Variants in CNTN5 observed in about 807,000 individuals in gnomAD.
The protein encoded by CNTN5 is contactin-5.
In CNTN5, 77 loss-of-function variants were observed where a neutral mutation model predicts 129.1. The ratio of observed to expected loss-of-function variants is 0.60; its 90% CI spans 0.50 to 0.72. CNTN5 has a LOEUF of 0.72. Among genes scored for constraint, CNTN5 ranks in the 30% least tolerant of loss-of-function variants. The pLI is 0.00. For missense variants in CNTN5, 1,478 were observed against 1,328.8 expected (o/e 1.11, Z -1.75); for synonymous variants, 509 against 465.6 (o/e 1.09, Z -1.20).
At chr11:99,822,593 G>A (rs1413718205) in intron 4 of CNTN5, among the ~76,000 whole-genome samples, 1 of 152,166 alleles carries the variant, frequency 6.6e-6, no homozygotes, top group African/African-American at 2.4e-5. Context: ...GTTGACTGCA[G>A]TGCTTACCAC....
intron 1 of CNTN5, among the ~76,000 whole-genome samples, chr11:99,129,378 A>G (rs182429245): frequency 9.8e-5 from 15 of 152,296 alleles, no homozygotes; most frequent in Non-Finnish European, 7.4e-5. Context: ...ATCTTGCTGA[A>G]ATAAGGCAGG....
At chr11:99,641,313 G>T (rs1037599447) in intron 3 of CNTN5, among the ~76,000 whole-genome samples, 12 of 152,144 alleles carry the variant, frequency 7.9e-5, no homozygotes, top group Non-Finnish European at 1.6e-4. Flanking sequence ...GAACAGTGAG[G>T]ATCAACTTTG....
intron 9 of CNTN5, among the ~76,000 whole-genome samples, chr11:100,011,137 T>C (rs1185917596): frequency 6.6e-6 from 1 of 152,120 alleles, no homozygotes; most frequent in African/African-American, 2.4e-5. Context: ...CAGACAGATG[T>C]CTCCAGATGC....
intron 3 of CNTN5, among the ~76,000 whole-genome samples, chr11:99,785,071 T>G (rs1945469170): frequency 6.9e-6 from 1 of 143,924 alleles, no homozygotes; most frequent in Admixed American, 6.9e-5. Flanking sequence ...CACCTGCCTA[T>G]GCCTCCCAAA....
At chr11:99,581,795 C>T (rs71482903) in intron 3 of CNTN5, among the ~76,000 whole-genome samples, 4 of 152,188 alleles carry the variant, frequency 2.6e-5, no homozygotes, top group African/African-American at 7.2e-5. Flanking sequence ...CCAGTCTGTG[C>T]CTTTTAATTG....
intron 3 of CNTN5, among the ~76,000 whole-genome samples, chr11:99,697,872 A>G (rs1028710135): frequency 6.6e-6 from 1 of 151,732 alleles, no homozygotes; most frequent in Non-Finnish European, 1.5e-5. Context: ...ATTTAAAAGC[A>G]ATCATGGGGA....
At chr11:99,294,576 T>C (rs1398554784) in intron 1 of CNTN5, among the ~76,000 whole-genome samples, 2 of 152,198 alleles carry the variant, frequency 1.3e-5, no homozygotes, top group Admixed American at 6.5e-5. Flanking sequence ...AGTAATATTG[T>C]TATAAATTTC....
At chr11:100,273,928 A>T (rs1950454658) in intron 18 of CNTN5, among the ~76,000 whole-genome samples, 1 of 152,212 alleles carries the variant, frequency 6.6e-6, no homozygotes, top group Non-Finnish European at 1.5e-5. Context: ...ATGCTAAGCA[A>T]AAAGAAGAAA....
chr11:99,714,630 A>G (rs184512832), intron 3 of CNTN5, among the ~76,000 whole-genome samples: 39 of 152,090 alleles, frequency 2.6e-4, no homozygotes, highest in Middle Eastern at 3.4e-3. Context: ...ATACATTTTT[A>G]AAGACAAAGA....
intron 3 of CNTN5, among the ~76,000 whole-genome samples, chr11:99,679,539 C>A (rs889555214): frequency 6.6e-6 from 1 of 152,086 alleles, no homozygotes; most frequent in Admixed American, 6.6e-5. Flanking sequence ...CCACAGACTG[C>A]ACCCATATAA....
intron 2 of CNTN5, among the ~76,000 whole-genome samples, chr11:99,435,210 A>G (rs1170340659): frequency 6.6e-6 from 1 of 152,160 alleles, no homozygotes. Context: ...TTCTCCTGTC[A>G]AATTGTCATC....
At chr11:99,264,411 G>T (rs556761588) in intron 1 of CNTN5, among the ~76,000 whole-genome samples, 2 of 151,914 alleles carry the variant, frequency 1.3e-5, no homozygotes, top group Non-Finnish European at 2.9e-5. Context: ...TACAAACATA[G>T]ATTTTATGGG....
chr11:99,279,693 G>A (rs921935260), intron 1 of CNTN5, among the ~76,000 whole-genome samples: 46 of 151,594 alleles, frequency 3.0e-4, no homozygotes, highest in African/African-American at 1.1e-3. Flanking sequence ...GAATAAGTCC[G>A]TGTTATCTAG....
chr11:100,054,610 C>T (rs1411427168), intron 9 of CNTN5, among the ~76,000 whole-genome samples: 1 of 151,780 alleles, frequency 6.6e-6, no homozygotes, highest in Non-Finnish European at 1.5e-5. Context: ...TCTCCTCATT[C>T]TCCAGTATGC....
chr11:99,785,663 G>A (rs915130358), intron 3 of CNTN5, among the ~76,000 whole-genome samples: 2 of 151,998 alleles, frequency 1.3e-5, no homozygotes, highest in African/African-American at 2.4e-5. Flanking sequence ...TTATCAAGTC[G>A]ACTTCACCCC....
intron 3 of CNTN5, among the ~76,000 whole-genome samples, chr11:99,729,254 A>T (rs1187729415): frequency 6.6e-6 from 1 of 152,070 alleles, no homozygotes; most frequent in Non-Finnish European, 1.5e-5. Context: ...GAAGGCATAG[A>T]TATTGGGCAG....
At chr11:99,769,360 T>C (rs1480020387) in intron 3 of CNTN5, among the ~76,000 whole-genome samples, 2 of 152,166 alleles carry the variant, frequency 1.3e-5, no homozygotes, top group African/African-American at 2.4e-5. Flanking sequence ...TTGCTAGTGG[T>C]GATTTAACAC....
chr11:99,424,119 G>A (rs1476911958), intron 2 of CNTN5, among the ~76,000 whole-genome samples: 2 of 152,130 alleles, frequency 1.3e-5, no homozygotes, highest in African/African-American at 4.8e-5. Context: ...ATTAGGCACA[G>A]TAAAAGATGT....
chr11:99,079,861 A>G (rs1865720480), intron 1 of CNTN5, among the ~76,000 whole-genome samples: 1 of 152,170 alleles, frequency 6.6e-6, no homozygotes, highest in Non-Finnish European at 1.5e-5. Context: ...AGATCAGATT[A>G]TTGTCTCCTT....
Sources: allele counts gnomAD v4.1 joint callset (sites outside exome capture counted in the v4.1 genomes callset), GRCh38; gene constraint gnomAD v4.1.1; transcripts MANE v1.5; gene names NCBI Gene and HGNC (gene_info 2026-07-23, HGNC 2026-07-21).